The following CHD6 variants were observed in gnomAD, a reference collection of about 807,000 sequenced individuals.
The protein encoded by CHD6 is chromodomain helicase DNA binding protein 6, also known as ATP-dependent chromatin remodeler CHD6.
CHD6 carries 50 observed loss-of-function variants against 276.9 expected under a neutral mutation model. The ratio of observed to expected loss-of-function variants is 0.18; its 90% CI spans 0.14 to 0.23. The LOEUF (loss-of-function observed/expected upper bound fraction) is 0.23, where lower values mean the gene tolerates loss of function less well. CHD6 is among the 10% of genes least tolerant of loss of function. The pLI, the probability that CHD6 is intolerant of heterozygous loss-of-function variation, is 1.00. For synonymous variants in CHD6, 1,173 were observed against 1,229.3 expected (o/e 0.95, Z 0.96); for missense variants, 2,564 against 3,365.8 (o/e 0.76, Z 5.89).
At chr20:41,535,421 T>C (rs934748093) in intron 2 of CHD6, among the ~76,000 whole-genome samples, 1 of 152,208 alleles carries the variant, frequency 6.6e-6, no homozygotes, top group Non-Finnish European at 1.5e-5. Flanking sequence ...TGCCCAAGGC[T>C]ATATGGCTAC....
At position 41,510,007 on chromosome 20, in the gene CHD6, C is replaced by T. The variant is rs538748617; in HGVS notation, c.852+2839G>A. ...ACAAGGGCCAGCAGTCACAGAATTGCGTTGAGCACACTGAGAAGATACTGC... is the reference window on the plus strand; with the variant it reads ...ACAAGGGCCAGCAGTCACAGAATTGTGTTGAGCACACTGAGAAGATACTGC... On this transcript the variant is annotated intron_variant, in intron 5 of 36. Transcript: ENST00000373233. Among the ~76,000 whole-genome samples the T allele has an allele frequency of 2.7e-4, 41 of 152,228 alleles. 1 individual carries two copies. The highest frequency in any genetic ancestry group is 3.4e-3 in the Middle Eastern group (1 of 294).
At chr20:41,490,091 G>A in intron 11 of CHD6, 70 bp from the exon 12 acceptor site, 1 of 1,297,834 alleles carries the variant, frequency 7.7e-7, no homozygotes, top group East Asian at 2.3e-5. Context: ...GTTATAACTT[G>A]AAAAGATGCT....
chr20:41,615,349 CAAAA>C (rs11379388), intron 1 of CHD6, among the ~76,000 whole-genome samples: 3 of 124,332 alleles, frequency 2.4e-5, no homozygotes, highest in Non-Finnish European at 3.6e-5. Context: ...CATTCCATTG[CAAAA>C]AAAAAAAAAA....
In CHD6 at chr20:41,419,554, C is replaced by CAAAAA. The variant is rs58696183; in HGVS notation, c.6127+949_6127+953dup. ...TGGGTGACAGAGCAAGACTCTGTCTCAAAAAAAAAAAAAAAAAAAAAAAAA... is the reference window on the plus strand; with the variant it reads ...TGGGTGACAGAGCAAGACTCTGTCTCAAAAAAAAAAAAAAAAAAAAAAAAAAAAAA... On this transcript the variant is annotated intron_variant, in intron 31 of 36. Transcript: ENST00000373233. 7.7e-4 allele frequency among the ~76,000 whole-genome samples: 18 copies of CAAAAA among 23,468 alleles called. 4 individuals carry two copies. The highest frequency in any genetic ancestry group is 1.2e-3 in the Non-Finnish European group (17 of 13,636). The allele number at this position is 23,468 out of a possible 152,430, so 15.4% of individuals were successfully genotyped here.
rs146304481 is a variant in CHD6, at chr20:41,533,439, A to G, written c.165T>C (p.Cys55=). The stretch of plus-strand genomic sequence containing the variant: ...CAGTATACAGGTCCTTCTGAGGCAG[A>G]CAGTGACTAGCAACATCTTCAATTT... ...EEKIEDVASH[C]LPQKDLYTAE... The change falls in exon 3 of 37, where the codon TGT becomes TGC. Residue 55 remains cysteine, a synonymous_variant. Transcript: ENST00000373233. The G allele has an allele frequency of 1.4e-4, 227 of 1,614,202 alleles. 1 individual carries two copies. The African/African-American group carries it at 2.5e-3, about 18-fold the overall frequency.
intron 33 of CHD6, among the ~76,000 whole-genome samples, chr20:41,416,079 T>C (rs2046986857): frequency 6.6e-6 from 1 of 152,158 alleles, no homozygotes; most frequent in African/African-American, 2.4e-5. Flanking sequence ...GAGAACCAGC[T>C]AGTTAATAAT....
chr20:41,405,177 G>A lies in CHD6; in HGVS notation c.7564C>T (p.Leu2522=), dbSNP rs771243102. The part of the protein sequence containing the change: ...KSTLSMLPMM[L]PGMAAVPQMF... ...TGGGGCACAGCAGCCATGCCTGGCAGCATCATGGGCAGCATGCTCAGGGTA... is the reference window on the plus strand; with the variant it reads ...TGGGGCACAGCAGCCATGCCTGGCAACATCATGGGCAGCATGCTCAGGGTA... The change falls in exon 37 of 37, where the codon CTG becomes TTG. Residue 2522 remains leucine (L), a synonymous_variant. Coordinates refer to ENST00000373233, the MANE Select transcript of CHD6 (RefSeq NM_032221.5). 1.9e-6 allele frequency: 3 copies of A among 1,614,108 alleles called. No individual in the cohort carries two copies. The highest frequency in any genetic ancestry group is 1.1e-5 in the South Asian group (1 of 91,090).
chr20:41,599,675 C>G (rs1305969101), intron 1 of CHD6, among the ~76,000 whole-genome samples: 4 of 152,192 alleles, frequency 2.6e-5, no homozygotes, highest in Admixed American at 6.5e-5. Context: ...AGGGGGAAAT[C>G]TGCCAGACAC....
chr20:41,575,761 G>A (rs889316900), intron 1 of CHD6, among the ~76,000 whole-genome samples: 88 of 152,084 alleles, frequency 5.8e-4, no homozygotes, highest in African/African-American at 2.1e-3. Flanking sequence ...TTGTCCCTCC[G>A]AGGAGCTGGT....
chr20:41,590,131 T>C (rs2146258823), intron 1 of CHD6, among the ~76,000 whole-genome samples: 1 of 152,310 alleles, frequency 6.6e-6, no homozygotes, highest in East Asian at 1.9e-4. Context: ...CCCTATTTAA[T>C]AAATGGTGCT....
At chr20:41,596,112 G>A (rs1023470213) in intron 1 of CHD6, among the ~76,000 whole-genome samples, 2 of 151,966 alleles carry the variant, frequency 1.3e-5, no homozygotes, top group Admixed American at 6.6e-5. Flanking sequence ...TGCGGGCCCC[G>A]TCACCCCACA....
intron 3 of CHD6, among the ~76,000 whole-genome samples, chr20:41,523,975 C>T (rs1394105674): frequency 6.6e-6 from 1 of 152,114 alleles, no homozygotes; most frequent in East Asian, 1.9e-4. Context: ...CAGAGCCTTA[C>T]GGAAAGAATG....
chr20:41,492,544 G>A (rs1396609034), intron 10 of CHD6, among the ~76,000 whole-genome samples: 1 of 152,146 alleles, frequency 6.6e-6, no homozygotes, highest in Non-Finnish European at 1.5e-5. Flanking sequence ...AAATGGCAAT[G>A]TTTTTTTAAA....
chr20:41,567,780 A>G (rs544073891), intron 1 of CHD6, among the ~76,000 whole-genome samples: 1 of 152,324 alleles, frequency 6.6e-6, no homozygotes, highest in Non-Finnish European at 1.5e-5. Context: ...AATAAGCCCC[A>G]TCCAGGCCAC....
At chr20:41,561,377 G>C (rs1015411039) in intron 1 of CHD6, among the ~76,000 whole-genome samples, 1 of 152,092 alleles carries the variant, frequency 6.6e-6, no homozygotes, top group Non-Finnish European at 1.5e-5. Context: ...GGTTTTCTAT[G>C]AATCACTAAC....
Position 41,452,039 on chromosome 20 carries a change from T to C in CHD6, c.3324-14A>G, listed in dbSNP as rs1422323987. 7 of 1,608,608 alleles carry C rather than the reference T, an allele frequency of 4.4e-6. No individual in the cohort carries two copies. In the African/African-American group the frequency reaches 9.4e-5, roughly 22 times the overall value. On this transcript the variant is annotated splice_polypyrimidine_tract_variant and intron_variant, in intron 21 of 36. Transcript: ENST00000373233. The surrounding 1 kb of genome is among the most constrained non-coding windows in gnomAD (Gnocchi z 4.2). ...CACCGGCCCCAGCTGACAGTGGACA[T>C]ACAGACAGGTGTTGGAGGGAGAATG... is the stretch of plus-strand genomic sequence containing the variant.
intron 17 of CHD6, among the ~76,000 whole-genome samples, chr20:41,462,295 T>TACTC (rs1446476086): frequency 6.6e-6 from 1 of 152,248 alleles, no homozygotes; most frequent in African/African-American, 2.4e-5. Context: ...TCAATATCAG[T>TACTC]ACTCATTTGA....
intron 2 of CHD6, among the ~76,000 whole-genome samples, chr20:41,545,245 C>T (rs2045017581): frequency 6.6e-6 from 1 of 152,166 alleles, no homozygotes; most frequent in African/African-American, 2.4e-5. Context: ...TCATCCACAG[C>T]TCACATGAAA....
intron 4 of CHD6, among the ~76,000 whole-genome samples, chr20:41,514,155 T>C (rs1271777688): frequency 2.0e-5 from 3 of 152,222 alleles, no homozygotes; most frequent in African/African-American, 7.2e-5. Flanking sequence ...CAGATGATCC[T>C]GGAAGGTATA....
Sources: gnomAD v4.1 joint callset for allele counts (sites outside exome capture counted in the v4.1 genomes callset) on GRCh38, gnomAD v4.1.1 for gene constraint, Gnocchi (gnomAD v3.1) non-coding constraint, MANE v1.5 for transcripts, NCBI Gene and HGNC (gene_info 2026-07-23, HGNC 2026-07-21) for gene names.